TRPM4: variants seen among roughly 807,000 people sequenced by gnomAD.
TRPM4 encodes calcium-activated non-selective cation channel 1.
TRPM4 carries 124 observed loss-of-function variants against 135.6 expected under a neutral mutation model. The ratio of observed to expected loss-of-function variants is 0.91; its 90% CI spans 0.79 to 1.06. TRPM4 has a LOEUF of 1.06. Among genes scored for constraint, TRPM4 ranks in the 50% least tolerant of loss-of-function variants. The pLI, the probability that TRPM4 is intolerant of heterozygous loss-of-function variation, is 0.00. For missense variants in TRPM4, 1,658 were observed against 1,671.4 expected (o/e 0.99, Z 0.14); for synonymous variants, 745 against 705.6 (o/e 1.06, Z -0.88).
Position 49,200,389 on chromosome 19 carries a change from T to C in TRPM4, c.2735T>C (p.Val912Ala). The C allele has an allele frequency of 6.4e-7, 1 of 1,573,678 alleles. No individual in the cohort carries two copies. The highest frequency in any genetic ancestry group is 8.7e-7 in the Non-Finnish European group (1 of 1,155,144). The change falls in exon 18 of 25, where the codon GTC becomes GCC. Residue 912 changes from valine (V) to alanine (A), a missense_variant. Physicochemically the swap from Val to Ala is moderately conservative, Grantham distance 64. Coordinates refer to ENST00000252826, the MANE Select transcript of TRPM4 (RefSeq NM_017636.4). ...GTGCGGCTGCTTCACATCTTCACGG[T>C]CAACAAACAGCTGGGGCCCAAGATC... ...FTVRLLHIFTVNKQLGPKIVI... is the reference protein window; with the variant it reads ...FTVRLLHIFTANKQLGPKIVI...
rs373903078 is a variant in TRPM4, at chr19:49,200,244, C to T, written c.2646-56C>T. On this transcript the variant is annotated intron_variant, in intron 17 of 24. Coordinates refer to ENST00000252826, the MANE Select transcript of TRPM4 (RefSeq NM_017636.4). ...TGAAGGATGGCATTGGGAAGACTTC[C>T]ATTTTCCTTGGCGTCTTGTGACACT... 225 of 1,613,876 alleles carry T rather than the reference C, an allele frequency of 1.4e-4. No individual in the cohort carries two copies. In the East Asian group the frequency reaches 4.5e-3, roughly 32 times the overall value.
chr19:49,178,799 T>C (rs953108704), intron 9 of TRPM4, among the ~76,000 whole-genome samples: 4 of 146,912 alleles, frequency 2.7e-5, no homozygotes, highest in African/African-American at 9.8e-5. Flanking sequence ...TGCTCTGTCG[T>C]CCAGGCTGGA....
intron 20 of TRPM4, among the ~76,000 whole-genome samples, chr19:49,204,079 C>T (rs1969055856): frequency 6.6e-6 from 1 of 152,164 alleles, no homozygotes; most frequent in Non-Finnish European, 1.5e-5. Context: ...AAGATCGTGC[C>T]ACTGCACTCC....
At chr19:49,200,198 G>A (rs1968859617) in intron 17 of TRPM4, 102 bp from the exon 18 acceptor site, 6 of 1,571,158 alleles carry the variant, frequency 3.8e-6, no homozygotes, top group Middle Eastern at 1.7e-4. Flanking sequence ...GGTCCTGCCC[G>A]GTGGAGGCTG....
chr19:49,210,415 G>A lies in TRPM4; in HGVS notation c.3328+10G>A, dbSNP rs1479755026. ...GCCCTCGAGCATTTCCGTAAGAACA[G>A]AGCTTGGCTTAAAAAGGAGAAATAT... On this transcript the variant is annotated intron_variant, in intron 21 of 24. Transcript: ENST00000252826. This position sits in a 1 kb window ranked among gnomAD's most constrained non-coding sequence, Gnocchi z 4.1. The A allele has an allele frequency of 6.2e-7, 1 of 1,612,578 alleles. No homozygotes were observed. Among genetic ancestry groups the A allele is most frequent in the Admixed American group, 1.7e-5 (1 of 60,014 alleles).
At chr19:49,166,306 T>C in intron 3 of TRPM4, 91 bp downstream of exon 3, 1 of 1,355,310 alleles carries the variant, frequency 7.4e-7, no homozygotes, top group East Asian at 2.5e-5. Flanking sequence ...CCCTGAACCC[T>C]GGCCCCTCCG....
intron 14 of TRPM4, 120 bp from the exon 15 acceptor site, chr19:49,190,088 T>G (rs1191041244): frequency 1.2e-6 from 1 of 845,802 alleles, no homozygotes; most frequent in Non-Finnish European, 2.0e-6. Flanking sequence ...CCTCAATAGT[T>G]GTGGCTGTGA....
chr19:49,188,948 C>A lies in TRPM4; in HGVS notation c.1876C>A (p.Leu626Ile), dbSNP rs1489912568. 6.2e-7 allele frequency: 1 copy of A among 1,614,144 alleles called. No individual in the cohort carries two copies. The part of the protein sequence containing the change: ...AFKFEGMGVD[L>I]FGECYRSSEV... The stretch of plus-strand genomic sequence containing the variant: ...CATAACTAACTCCTCTGCCCCAGAC[C>A]TCTTTGGCGAGTGCTATCGCAGCAG... Residue 626 changes from leucine (L) to isoleucine (I), a missense_variant and splice_region_variant, in exon 14 of 25, where the codon CTC becomes ATC. Around this residue, in one of 3 missense-constraint regions of TRPM4, gnomAD observed 1,412 missense variants for 1,408.7 expected, o/e 1.00. Transcript: ENST00000252826.
chr19:49,177,769 A>G (rs1381538375), intron 9 of TRPM4, among the ~76,000 whole-genome samples: 4 of 152,200 alleles, frequency 2.6e-5, no homozygotes, highest in Non-Finnish European at 5.9e-5. Context: ...GAGAGAGGAA[A>G]AATGGCTTGC....
In TRPM4 at chr19:49,210,061, C is replaced by T; in HGVS notation, c.3132-148C>T. 1.1e-6 allele frequency: 1 copy of T among 933,492 alleles called. No individual in the cohort carries two copies. The highest frequency in any genetic ancestry group is 1.7e-6 in the Non-Finnish European group (1 of 578,272). 57.8% of individuals were successfully genotyped at this position (933,492 alleles called of 1,614,324 possible). Reference sequence around the variant, plus strand: ...AACGCCCTTGGCTCTAACCTGACTTCTAATCGCATCCTGTAACCTCTGACT... The same window carrying T: ...AACGCCCTTGGCTCTAACCTGACTTTTAATCGCATCCTGTAACCTCTGACT... On this transcript the variant is annotated intron_variant, in intron 20 of 24. Coordinates refer to ENST00000252826, the MANE Select transcript of TRPM4 (RefSeq NM_017636.4). The surrounding 1 kb of genome is among the most constrained non-coding windows in gnomAD (Gnocchi z 4.1).
rs1969338327 is a variant in TRPM4, at chr19:49,210,928, G to C, written c.3461+86G>C. On this transcript the variant is annotated intron_variant, in intron 22 of 24. Coordinates refer to ENST00000252826, the MANE Select transcript of TRPM4 (RefSeq NM_017636.4). This position sits in a 1 kb window ranked among gnomAD's most constrained non-coding sequence, Gnocchi z 4.1. ...TGAAGGCAGGGTCCTGGGAGGGAGG[G>C]AGAGAGGGAGGAGGCCCGGGAAGCA... is the stretch of plus-strand genomic sequence containing the variant. The C allele has an allele frequency of 7.5e-7, 1 of 1,327,748 alleles. No individual in the cohort carries two copies. The highest frequency in any genetic ancestry group is 2.1e-5 in the Admixed American group (1 of 48,312). 82.2% of individuals were successfully genotyped at this position (1,327,748 alleles called of 1,614,324 possible).
chr19:49,162,204 G>A (rs1004251376), intron 2 of TRPM4, among the ~76,000 whole-genome samples: 4 of 152,138 alleles, frequency 2.6e-5, no homozygotes, highest in African/African-American at 7.2e-5. Context: ...AATAAGGGCC[G>A]TTGTATATGG....
Position 49,210,308 on chromosome 19 carries a change from G to C in TRPM4, c.3231G>C (p.Pro1077=). The change falls in exon 21 of 25, where the codon CCG becomes CCC. Residue 1077 remains proline, a synonymous_variant. Coordinates refer to ENST00000252826, the MANE Select transcript of TRPM4 (RefSeq NM_017636.4). The surrounding 1 kb of genome is among the most constrained non-coding windows in gnomAD (Gnocchi z 4.1). ...REFHSRPALA[P]PFIVISHLRL... ...TCCACTCTCGGCCCGCGCTGGCCCC[G>C]CCCTTTATCGTCATCTCCCACTTGC... The C allele has an allele frequency of 6.2e-7, 1 of 1,614,184 alleles. No homozygotes were observed. The highest frequency in any genetic ancestry group is 1.7e-5 in the Admixed American group (1 of 60,016).
rs774730420 is a variant in TRPM4, at chr19:49,171,754, G to T, written c.1035G>T (p.Glu345Asp). 2.5e-6 allele frequency: 4 copies of T among 1,610,618 alleles called. No individual in the cohort carries two copies. The Admixed American group carries it at 6.7e-5, about 27-fold the overall frequency. The change falls in exon 8 of 25, where the codon GAG (glutamate) becomes GAT (aspartate). Residue 345 changes from glutamate (E) to aspartate (D), a missense_variant. Physicochemically the swap from Glu to Asp is conservative, Grantham distance 45 (BLOSUM62 2). Coordinates refer to ENST00000252826, the MANE Select transcript of TRPM4 (RefSeq NM_017636.4). This position sits in a 1 kb window ranked among gnomAD's most constrained non-coding sequence, Gnocchi z 4.7. ...GTTTCTTTCCCAAAGGGGACCTTGA[G>T]GTCCTGCAGGCCCAGGTATGACACT... ...IRRFFPKGDLEVLQAQVERIM... is the reference protein window; with the variant it reads ...IRRFFPKGDLDVLQAQVERIM...
chr19:49,177,086 T>C (rs1448294851), intron 9 of TRPM4, among the ~76,000 whole-genome samples: 1 of 152,004 alleles, frequency 6.6e-6, no homozygotes, highest in African/African-American at 2.4e-5. Context: ...GGTACATCCT[T>C]CAATATAAGG....
At chr19:49,158,129 C>T (rs1216814015) in intron 1 of TRPM4, 63 bp from the exon 2 acceptor site, 4 of 1,516,672 alleles carry the variant, frequency 2.6e-6, no homozygotes, top group East Asian at 4.5e-5. Context: ...CTCTGTGTCC[C>T]ATAGGACAGA....
intron 12 of TRPM4, 125 bp downstream of exon 12, chr19:49,183,337 C>T (rs552765022): frequency 3.7e-5 from 43 of 1,175,580 alleles, no homozygotes; most frequent in South Asian, 3.5e-4. Flanking sequence ...CATCCTCCGT[C>T]GCTGATATAT....
At chr19:49,162,018 C>T (rs1294537661) in intron 2 of TRPM4, among the ~76,000 whole-genome samples, 1 of 152,086 alleles carries the variant, frequency 6.6e-6, no homozygotes, top group African/African-American at 2.4e-5. Flanking sequence ...ACTGGGAACA[C>T]CTACACTCAA....
Position 49,210,650 on chromosome 19 carries a change from G to A in TRPM4, c.3329-60G>A. The A allele has an allele frequency of 4.3e-6, 7 of 1,613,040 alleles. No individual in the cohort carries two copies. The highest frequency in any genetic ancestry group is 3.3e-5 in the Admixed American group (2 of 59,988). ...GTGCGTGTTCTGAGGGTGTCGGAAG[G>A]GGCAGCTGGGATTGGGAAGGGGCGT... is the stretch of plus-strand genomic sequence containing the variant. On this transcript the variant is annotated intron_variant, in intron 21 of 24. Coordinates refer to ENST00000252826, the MANE Select transcript of TRPM4 (RefSeq NM_017636.4). The surrounding 1 kb of genome is among the most constrained non-coding windows in gnomAD (Gnocchi z 4.1).
Sources: gnomAD v4.1 joint callset for allele counts (sites outside exome capture counted in the v4.1 genomes callset) on GRCh38, gnomAD v4.1.1 for gene constraint, gnomAD v4.1.1 regional missense constraint, Gnocchi (gnomAD v3.1) non-coding constraint, MANE v1.5 for transcripts, NCBI Gene and HGNC (gene_info 2026-07-23, HGNC 2026-07-21) for gene names.